COL19A1: variants seen among roughly 807,000 people sequenced by gnomAD.
COL19A1 encodes the protein collagen type XIX alpha 1 chain.
COL19A1 carries 159 observed loss-of-function variants against 190.2 expected under a neutral mutation model. The ratio of observed to expected loss-of-function variants is 0.84; its 90% CI spans 0.73 to 0.95. The LOEUF (loss-of-function observed/expected upper bound fraction) is 0.95, where lower values mean the gene tolerates loss of function less well. Among genes scored for constraint, COL19A1 ranks in the 40% least tolerant of loss-of-function variants. COL19A1 has a pLI of 0.00. For missense variants in COL19A1, 1,418 were observed against 1,431.9 expected, an observed-to-expected ratio of 0.99 and a Z score of 0.16; for synonymous variants, 509 against 458.9, an observed-to-expected ratio of 1.11 and a Z score of -1.39.
At chr6:70,087,178 G>C (rs1782637996) in intron 15 of COL19A1, among the ~76,000 whole-genome samples, 1 of 152,066 alleles carries the variant, frequency 6.6e-6, no homozygotes, top group Admixed American at 6.6e-5. Flanking sequence ...ACCTAAAATA[G>C]TCAAAAACCT....
At chr6:70,067,598 G>C (rs953617288) in intron 14 of COL19A1, among the ~76,000 whole-genome samples, 1 of 152,044 alleles carries the variant, frequency 6.6e-6, no homozygotes, top group South Asian at 2.1e-4. Context: ...TGTAGATCTG[G>C]GAATTGCTGG....
chr6:70,166,043 C>A, intron 37 of COL19A1, 58 bp downstream of exon 37: 1 of 1,394,724 alleles, frequency 7.2e-7, no homozygotes, highest in Non-Finnish European at 1.0e-6. Context: ...ACTTTTATAA[C>A]TCAGAGGTAA....
At chr6:70,135,787 T>C (rs1164606065) in intron 18 of COL19A1, among the ~76,000 whole-genome samples, 3 of 152,160 alleles carry the variant, frequency 2.0e-5, no homozygotes, top group Non-Finnish European at 1.5e-5. Flanking sequence ...GCTTCAAATT[T>C]GACCATTTAT....
chr6:69,921,697 C>T (rs192506353), intron 4 of COL19A1, among the ~76,000 whole-genome samples: 67 of 142,972 alleles, frequency 4.7e-4, no homozygotes, highest in African/African-American at 1.7e-3. Flanking sequence ...TATGTAGATT[C>T]GTATATATTC....
intron 2 of COL19A1, among the ~76,000 whole-genome samples, chr6:69,896,611 C>A (rs1001983740): frequency 6.7e-6 from 1 of 150,024 alleles, no homozygotes; most frequent in Admixed American, 6.6e-5. Flanking sequence ...AATTTCCACT[C>A]CTACAAGCAA....
intron 9 of COL19A1, among the ~76,000 whole-genome samples, chr6:69,945,406 T>C (rs1413113150): frequency 6.6e-6 from 1 of 152,082 alleles, no homozygotes; most frequent in African/African-American, 2.4e-5. Context: ...CCAGAGATGA[T>C]GAGTAAGTTT....
intron 9 of COL19A1, among the ~76,000 whole-genome samples, chr6:69,955,138 CT>C (rs1465983602): frequency 2.6e-5 from 4 of 152,038 alleles, no homozygotes; most frequent in African/African-American, 9.7e-5. Context: ...TACAGTTAGT[CT>C]CATAATAAAG....
chr6:69,874,516 C>T (rs572204098), intron 1 of COL19A1, among the ~76,000 whole-genome samples: 1 of 152,090 alleles, frequency 6.6e-6, no homozygotes, highest in Non-Finnish European at 1.5e-5. Context: ...CTTTGGGAGG[C>T]CAAGGCAGGC....
chr6:70,210,104 G>T lies in COL19A1; in HGVS notation c.*2830G>T, dbSNP rs536829204. The T allele has an allele frequency of 6.6e-6, 1 of 152,196 alleles. No homozygotes were observed. The highest frequency in any genetic ancestry group is 2.4e-5 in the African/African-American group (1 of 41,562). 9.4% of individuals were successfully genotyped at this position (152,196 alleles called of 1,614,324 possible). A position where few individuals can be genotyped will look rare whatever the true frequency, so the allele number is the denominator to read the frequency against. On this transcript the variant is annotated 3_prime_UTR_variant, in exon 51 of 51. Transcript: ENST00000620364. ...TCAATTTCATGAATAACTCTTGTTTGCACTCCAGAAAACAACATACATGTT... is the reference window on the plus strand; with the variant it reads ...TCAATTTCATGAATAACTCTTGTTTTCACTCCAGAAAACAACATACATGTT...
At chr6:70,057,882 T>G (rs1396386853) in intron 14 of COL19A1, among the ~76,000 whole-genome samples, 1 of 152,080 alleles carries the variant, frequency 6.6e-6, no homozygotes. Context: ...AATCAGAATC[T>G]TAGCAGTCAT....
At position 70,180,355 on chromosome 6, in the gene COL19A1, C is replaced by T. The variant is rs374578383; in HGVS notation, c.2711C>T (p.Pro904Leu). 27 of 1,614,052 alleles carry T rather than the reference C, an allele frequency of 1.7e-5. No individual in the cohort carries two copies. The highest frequency in any genetic ancestry group is 6.7e-5 in the East Asian group (3 of 44,870). The stretch of plus-strand genomic sequence containing the variant: ...GGGCCTCCAGGAGTTCCAGGGGAAC[C>T]GGTGAGTTGGCAGTTACTTTCATGA... The part of the protein sequence containing the change: ...APGPPGVPGE[P>L]GERGPVGDIG... The change falls in exon 43 of 51, where the codon CCG (proline) becomes CTG (leucine). Residue 904 changes from proline (P) to leucine (L), a missense_variant and splice_region_variant. Transcript: ENST00000620364.
At chr6:70,177,326 G>A (rs978142993) in intron 42 of COL19A1, among the ~76,000 whole-genome samples, 1 of 151,948 alleles carries the variant, frequency 6.6e-6, no homozygotes, top group Non-Finnish European at 1.5e-5. Context: ...AAGAATATAA[G>A]AAAGATAAGA....
chr6:69,879,705 C>T, intron 2 of COL19A1, 47 bp downstream of exon 2: 2 of 1,526,176 alleles, frequency 1.3e-6, no homozygotes. Flanking sequence ...TATTTATAGC[C>T]TTTAAGTCAT....
rs566251640 is a variant in COL19A1, at chr6:69,871,599, G to T, written c.-33+4959G>T. 9.6e-4 allele frequency among the ~76,000 whole-genome samples: 146 copies of T among 151,826 alleles called. 1 individual carries two copies. Among genetic ancestry groups the T allele is most frequent in the Non-Finnish European group, 1.6e-4 (11 of 67,924 alleles). On this transcript the variant is annotated intron_variant, in intron 1 of 50. Coordinates refer to ENST00000620364, the MANE Select transcript of COL19A1 (RefSeq NM_001858.6). ...TCCTCCTCTTTCTCTCTTTTTTCAT[G>T]GTTCCTTTCCATATTATTTTCTATT...
Position 69,919,691 on chromosome 6 carries a change from TTATTTTTTATCCA to T in COL19A1, c.267-8217_267-8205del, listed in dbSNP as rs1771567020. Among the ~76,000 whole-genome samples the T allele has an allele frequency of 4.6e-5, 7 of 152,302 alleles. No homozygotes were observed. The South Asian group carries it at 1.4e-3, about 32-fold the overall frequency. ...GAATTGCTTCAGAGTTAATAAAATG[TTATTTTTTATCCA>T]ACTCCATGTATATTACTACTAGTAA... is the stretch of plus-strand genomic sequence containing the variant. On this transcript the variant is annotated intron_variant, in intron 4 of 50. Coordinates refer to ENST00000620364, the MANE Select transcript of COL19A1 (RefSeq NM_001858.6).
At chr6:69,898,835 A>C in intron 2 of COL19A1, 113 bp from the exon 3 acceptor site, 1 of 679,628 alleles carries the variant, frequency 1.5e-6, no homozygotes, top group East Asian at 2.7e-5. Context: ...ATTTTACAGA[A>C]ATTTAATAAA....
intron 31 of COL19A1, 115 bp downstream of exon 31, chr6:70,151,553 A>G: frequency 2.3e-6 from 2 of 879,018 alleles, no homozygotes; most frequent in Non-Finnish European, 3.7e-6. Flanking sequence ...CAATTTTTAA[A>G]TGGCAGGACA....
intron 22 of COL19A1, among the ~76,000 whole-genome samples, 174 bp from the exon 23 acceptor site, chr6:70,142,593 T>C (rs1786331635): frequency 6.6e-6 from 1 of 152,142 alleles, no homozygotes; most frequent in Non-Finnish European, 1.5e-5. Flanking sequence ...GAAACTATCT[T>C]GGTAATCACA....
chr6:70,186,961 T>G (rs1225488620), intron 46 of COL19A1, among the ~76,000 whole-genome samples: 1 of 152,218 alleles, frequency 6.6e-6, no homozygotes, highest in East Asian at 1.9e-4. Flanking sequence ...CACCGCAACC[T>G]CCGCCTCCCG....
Sources: gnomAD v4.1 joint callset for allele counts (sites outside exome capture counted in the v4.1 genomes callset) on GRCh38, gnomAD v4.1.1 for gene constraint, MANE v1.5 for transcripts, NCBI Gene and HGNC (gene_info 2026-07-23, HGNC 2026-07-21) for gene names.